DGKI: variants seen among roughly 807,000 people sequenced by gnomAD.
DGKI encodes the protein diacylglycerol kinase iota.
A neutral mutation model predicts 147.5 loss-of-function variants in DGKI; 55 were observed. The ratio of observed to expected loss-of-function variants is 0.37; its 90% confidence interval spans 0.30 to 0.47. The LOEUF (loss-of-function observed/expected upper bound fraction) is 0.47. DGKI is among the 20% of genes least tolerant of loss of function. DGKI has a pLI of 1.00. For synonymous variants in DGKI, 469 were observed against 477.1 expected (o/e 0.98, Z 0.22); for missense variants, 1,007 against 1,323.8 (o/e 0.76, Z 3.71).
chr7:137,693,812 G>C (rs1823690534), intron 1 of DGKI, among the ~76,000 whole-genome samples: 1 of 152,204 alleles, frequency 6.6e-6, no homozygotes, highest in Non-Finnish European at 1.5e-5. Flanking sequence ...TTGCCTGAGA[G>C]AGTCAGAAAT....
At position 137,386,564 on chromosome 7, in the gene DGKI, A is replaced by C. The variant is rs1811182214; in HGVS notation, c.*4656T>G. ...AATTTCATTTTGATGTATTTTGAGCATAATATCTGGGGAAGATTTTTGCAA... is the reference window on the plus strand; with the variant it reads ...AATTTCATTTTGATGTATTTTGAGCCTAATATCTGGGGAAGATTTTTGCAA... On this transcript the variant is annotated 3_prime_UTR_variant, in exon 33 of 33. Coordinates refer to ENST00000614521, the MANE Select transcript of DGKI (RefSeq NM_001321708.2). The C allele has an allele frequency of 6.6e-6, 1 of 152,154 alleles. No individual in the cohort carries two copies. The highest frequency in any genetic ancestry group is 1.5e-5 in the Non-Finnish European group (1 of 68,018). 9.4% of individuals were successfully genotyped at this position (152,154 alleles called of 1,614,324 possible). A position where few individuals can be genotyped will look rare whatever the true frequency, so the allele number is the denominator to read the frequency against.
intron 1 of DGKI, among the ~76,000 whole-genome samples, chr7:137,726,696 C>T (rs1254180572): frequency 6.6e-6 from 1 of 152,142 alleles, no homozygotes; most frequent in Non-Finnish European, 1.5e-5. Context: ...TTCATGGAGA[C>T]GTCAGCCAAG....
At chr7:137,806,509 C>A (rs912502753) in intron 1 of DGKI, among the ~76,000 whole-genome samples, 2 of 152,146 alleles carry the variant, frequency 1.3e-5, no homozygotes, top group Non-Finnish European at 2.9e-5. Context: ...TCTTGGCTCA[C>A]TGCAAGCTCC....
chr7:137,813,258 C>A (rs931366901), intron 1 of DGKI, among the ~76,000 whole-genome samples: 1 of 152,182 alleles, frequency 6.6e-6, no homozygotes, highest in Admixed American at 6.5e-5. Context: ...TCTCCTGGGT[C>A]ACATCAGTGA....
chr7:137,606,934 T>A (rs7782945), intron 10 of DGKI, among the ~76,000 whole-genome samples: 2,222 of 152,316 alleles, frequency 0.015, 69 homozygotes, highest in African/African-American at 0.05. Flanking sequence ...GGTGGACCTG[T>A]ACCCCAACAG....
chr7:137,526,411 A>G (rs1817147474), intron 20 of DGKI, among the ~76,000 whole-genome samples: 1 of 144,276 alleles, frequency 6.9e-6, no homozygotes, highest in Non-Finnish European at 1.5e-5. Context: ...CACTAAGCCG[A>G]CAGGTTTAGG....
At chr7:137,621,116 G>A (rs926473740) in intron 7 of DGKI, among the ~76,000 whole-genome samples, 5 of 152,152 alleles carry the variant, frequency 3.3e-5, no homozygotes, top group African/African-American at 7.2e-5. Context: ...AAGATCTGCT[G>A]TGATCCAGTG....
At chr7:137,818,036 G>C (rs1465536476) in intron 1 of DGKI, among the ~76,000 whole-genome samples, 1 of 152,158 alleles carries the variant, frequency 6.6e-6, no homozygotes, top group Non-Finnish European at 1.5e-5. Flanking sequence ...CTTACAGCAT[G>C]AGAATCATAT....
chr7:137,468,580 T>C (rs1204706906), intron 24 of DGKI, among the ~76,000 whole-genome samples: 1 of 152,206 alleles, frequency 6.6e-6, no homozygotes, highest in East Asian at 1.9e-4. Context: ...CTCATACAGA[T>C]ACAAGTGCCC....
At chr7:137,587,556 T>C (rs1376412848) in intron 12 of DGKI, among the ~76,000 whole-genome samples, 1 of 152,184 alleles carries the variant, frequency 6.6e-6, no homozygotes, top group Non-Finnish European at 1.5e-5. Context: ...AGAATAAGAC[T>C]GAATTTCAAT....
intron 8 of DGKI, among the ~76,000 whole-genome samples, chr7:137,617,124 C>CAAAAAAAAA (rs60654879): frequency 4.2e-5 from 2 of 48,126 alleles, no homozygotes; most frequent in Non-Finnish European, 4.8e-5. Flanking sequence ...TCCCTTTTAC[C>CAAAAAAAAA]AAAAAAAAAA....
chr7:137,695,654 T>C (rs577112047), intron 1 of DGKI, among the ~76,000 whole-genome samples: 75 of 152,332 alleles, frequency 4.9e-4, no homozygotes, highest in African/African-American at 1.7e-3. Context: ...AGGTATATAC[T>C]TAACCATTTC....
At position 137,388,202 on chromosome 7, in the gene DGKI, T is replaced by C. The variant is rs1811236735; in HGVS notation, c.*3018A>G. 2 of 152,218 alleles carry C rather than the reference T, an allele frequency of 1.3e-5. No homozygotes were observed. Among genetic ancestry groups the C allele is most frequent in the African/African-American group, 4.8e-5 (2 of 41,466 alleles). 9.4% of individuals were successfully genotyped at this position (152,218 alleles called of 1,614,324 possible). A position where few individuals can be genotyped will look rare whatever the true frequency, so the allele number is the denominator to read the frequency against. ...GGCTTACTAATCTTCTCTCTTATTCTTTATGAAGTCCTTGAATACGATAAA... is the reference window on the plus strand; with the variant it reads ...GGCTTACTAATCTTCTCTCTTATTCCTTATGAAGTCCTTGAATACGATAAA... On this transcript the variant is annotated 3_prime_UTR_variant, in exon 33 of 33. Transcript: ENST00000614521.
intron 15 of DGKI, among the ~76,000 whole-genome samples, chr7:137,578,667 T>C (rs1819071496): frequency 1.3e-5 from 2 of 152,118 alleles, no homozygotes; most frequent in South Asian, 4.1e-4. Flanking sequence ...CTCCAGGTGA[T>C]TCTCAAGCAC....
chr7:137,671,250 G>A lies in DGKI; in HGVS notation c.606+7307C>T, dbSNP rs149517426. Among the ~76,000 whole-genome samples, 196 of 152,254 alleles carry A rather than the reference G, an allele frequency of 1.3e-3. 1 individual carries two copies. Among genetic ancestry groups the A allele is most frequent in the African/African-American group, 4.5e-3 (187 of 41,534 alleles). ...CTGTGAGCAAATATTGTGATACCCC[G>A]TTACAGACAATGATGAGGCTTCTGA... On this transcript the variant is annotated intron_variant, in intron 3 of 32. Coordinates refer to ENST00000614521, the MANE Select transcript of DGKI (RefSeq NM_001321708.2).
chr7:137,524,875 G>T (rs1817087592), intron 20 of DGKI, among the ~76,000 whole-genome samples: 1 of 152,100 alleles, frequency 6.6e-6, no homozygotes, highest in Non-Finnish European at 1.5e-5. Context: ...ATGAGATTTG[G>T]AGAATGACTG....
intron 1 of DGKI, among the ~76,000 whole-genome samples, chr7:137,806,865 T>C (rs1473596040): frequency 6.6e-6 from 1 of 152,010 alleles, no homozygotes; most frequent in Non-Finnish European, 1.5e-5. Context: ...CTGTATAAAA[T>C]CCATAAAGGA....
intron 29 of DGKI, among the ~76,000 whole-genome samples, chr7:137,410,418 A>G (rs1293522002): frequency 6.6e-6 from 1 of 152,202 alleles, no homozygotes; most frequent in Non-Finnish European, 1.5e-5. Flanking sequence ...AAACAAAAAC[A>G]AAATAAGGTG....
intron 14 of DGKI, among the ~76,000 whole-genome samples, chr7:137,584,855 G>T (rs2128982748): frequency 6.6e-6 from 1 of 152,262 alleles, no homozygotes; most frequent in South Asian, 2.1e-4. Flanking sequence ...TCTACTGAAA[G>T]AACAAGTGCC....
Sources: gnomAD v4.1 joint callset for allele counts (sites outside exome capture counted in the v4.1 genomes callset) on GRCh38, gnomAD v4.1.1 for gene constraint, MANE v1.5 for transcripts, NCBI Gene and HGNC (gene_info 2026-07-23, HGNC 2026-07-21) for gene names.